The following NALCN variants were observed in gnomAD, a reference collection of about 807,000 sequenced individuals.
NALCN encodes the protein sodium leak channel NALCN.
Under a neutral mutation model 225.3 loss-of-function variants are expected in NALCN, and 111 were observed. The observed-to-expected ratio is 0.49, with a 90% CI of 0.42 to 0.58. The LOEUF is 0.58. Among genes scored for constraint, NALCN ranks in the 20% least tolerant of loss-of-function variants. The pLI, the probability that NALCN is intolerant of heterozygous loss-of-function variation, is 0.00. For missense variants in NALCN, 1,378 were observed against 2,202.4 expected (o/e 0.63, Z 7.49); for synonymous variants, 764 against 769.0 (o/e 0.99, Z 0.11).
rs773264859 is a variant in NALCN, at chr13:101,089,773, A to G, written c.3391-12T>C. On this transcript the variant is annotated splice_polypyrimidine_tract_variant and intron_variant, in intron 29 of 43. Coordinates refer to ENST00000251127, the MANE Select transcript of NALCN (RefSeq NM_052867.4). This position sits in a 1 kb window ranked among gnomAD's most constrained non-coding sequence, Gnocchi z 4.7. Reference sequence around the variant, plus strand: ...TAGATTCCATGGATCTGCATAAAGGAAAATATGGTTATTCATCAAAACAAA... The same window carrying G: ...TAGATTCCATGGATCTGCATAAAGGGAAATATGGTTATTCATCAAAACAAA... The G allele has an allele frequency of 6.9e-5, 111 of 1,613,882 alleles. No individual in the cohort carries two copies. The highest frequency in any genetic ancestry group is 9.0e-5 in the Non-Finnish European group (106 of 1,179,912).
chr13:101,353,556 T>G (rs2045965608), intron 6 of NALCN, among the ~76,000 whole-genome samples: 1 of 152,222 alleles, frequency 6.6e-6, no homozygotes, highest in African/African-American at 2.4e-5. Flanking sequence ...TGGAAAACTT[T>G]CAATGGCTCC....
chr13:101,255,003 C>CA (rs1039641894), intron 11 of NALCN, among the ~76,000 whole-genome samples: 72 of 151,918 alleles, frequency 4.7e-4, no homozygotes, highest in African/African-American at 1.7e-3. Context: ...CCATTACCAT[C>CA]AATGCCATTG....
At chr13:101,211,095 A>G (rs575660214) in intron 13 of NALCN, among the ~76,000 whole-genome samples, 1 of 152,314 alleles carries the variant, frequency 6.6e-6, no homozygotes, top group Non-Finnish European at 1.5e-5. Context: ...ATATTTAATA[A>G]CACGGTCATG....
chr13:101,217,129 T>C (rs189857639), intron 13 of NALCN, among the ~76,000 whole-genome samples: 305 of 147,976 alleles, frequency 2.1e-3, no homozygotes, highest in African/African-American at 7.4e-3. Context: ...TTAGAGGCAG[T>C]TGCTTTCTAT....
At chr13:101,222,552 C>T (rs1380584890) in intron 13 of NALCN, among the ~76,000 whole-genome samples, 1 of 152,082 alleles carries the variant, frequency 6.6e-6, no homozygotes, top group Non-Finnish European at 1.5e-5. Context: ...AAAAACCCTC[C>T]TCTCCAAGCA....
intron 13 of NALCN, among the ~76,000 whole-genome samples, chr13:101,193,136 G>A (rs1175279262): frequency 2.0e-5 from 3 of 148,962 alleles, no homozygotes; most frequent in Admixed American, 6.7e-5. Context: ...AGGAAAATGA[G>A]GCTCAAAGAT....
At chr13:101,390,585 A>G (rs2047116403) in intron 3 of NALCN, among the ~76,000 whole-genome samples, 1 of 152,154 alleles carries the variant, frequency 6.6e-6, no homozygotes, top group Non-Finnish European at 1.5e-5. Context: ...AAGATAACAT[A>G]CATTCTCATA....
intron 7 of NALCN, among the ~76,000 whole-genome samples, chr13:101,311,375 T>C (rs2044339186): frequency 6.6e-6 from 1 of 151,610 alleles, no homozygotes; most frequent in Non-Finnish European, 1.5e-5. Flanking sequence ...CTAATTGCCC[T>C]GGCCAGGACT....
intron 7 of NALCN, among the ~76,000 whole-genome samples, chr13:101,301,904 C>T (rs1328607997): frequency 6.6e-6 from 1 of 152,116 alleles, no homozygotes; most frequent in Non-Finnish European, 1.5e-5. Context: ...TACTGCTGAT[C>T]ACCACTAAGG....
rs199976015 is a variant in NALCN, at chr13:101,064,299, TG to T, written c.4604+1104del. Among the ~76,000 whole-genome samples, 1,008 of 152,244 alleles carry T rather than the reference TG, an allele frequency of 6.6e-3. 13 individuals are homozygous for T. Among genetic ancestry groups the T allele is most frequent in the East Asian group, 0.063 (328 of 5,178 alleles). ...TGATTAGTGAAAATAAAGATGTAAT[TG>T]TTTCCCCCTTGCAAGTCCATGGGCC... On this transcript the variant is annotated intron_variant, in intron 40 of 43. Coordinates refer to ENST00000251127, the MANE Select transcript of NALCN (RefSeq NM_052867.4).
intron 15 of NALCN, among the ~76,000 whole-genome samples, chr13:101,163,468 T>A (rs1029256389): frequency 7.9e-5 from 12 of 152,106 alleles, no homozygotes; most frequent in Admixed American, 6.5e-4. Context: ...TAATCACACA[T>A]GACATGAAAT....
At chr13:101,103,091 A>T in intron 26 of NALCN, 81 bp downstream of exon 26, 3 of 1,511,408 alleles carry the variant, frequency 2.0e-6, no homozygotes, top group Middle Eastern at 1.8e-4. Flanking sequence ...TGACCTCAAT[A>T]AGCAAGACTC....
In NALCN at chr13:101,133,674, T is replaced by C. The variant is rs528119859; in HGVS notation, c.2119-8993A>G. ...GATCATGTGTGTGGCAAGATGTTTC[T>C]ATAAAATAAACTTTCTCTGGAATTG... On this transcript the variant is annotated intron_variant, in intron 17 of 43. Coordinates refer to ENST00000251127, the MANE Select transcript of NALCN (RefSeq NM_052867.4). 1.6e-3 allele frequency among the ~76,000 whole-genome samples: 238 copies of C among 152,338 alleles called. 3 individuals carry two copies. The highest frequency in any genetic ancestry group is 5.3e-3 in the African/African-American group (222 of 41,576).
rs569731547 is a variant in NALCN, at chr13:101,080,787, A to G, written c.3885+740T>C. On this transcript the variant is annotated intron_variant, in intron 34 of 43. Coordinates refer to ENST00000251127, the MANE Select transcript of NALCN (RefSeq NM_052867.4). ...ATTATTATTTATTTAATAATTATTA[A>G]CAATTTAATAGTTATATTTTCTAAA... Among the ~76,000 whole-genome samples, 392 of 149,594 alleles carry G rather than the reference A, an allele frequency of 2.6e-3. 8 individuals are homozygous for G. In the South Asian group the frequency reaches 0.036, roughly 14 times the overall value.
intron 40 of NALCN, among the ~76,000 whole-genome samples, chr13:101,063,844 T>C (rs2032155455): frequency 1.3e-5 from 2 of 152,172 alleles, no homozygotes; most frequent in African/African-American, 2.4e-5. Flanking sequence ...GTGATTAAAA[T>C]AGCTACTGCT....
At chr13:101,164,073 T>A (rs893951656) in intron 15 of NALCN, among the ~76,000 whole-genome samples, 1 of 152,162 alleles carries the variant, frequency 6.6e-6, no homozygotes, top group Non-Finnish European at 1.5e-5. Flanking sequence ...AATGACCTCA[T>A]CTTAACCTGA....
At chr13:101,269,209 C>T (rs2042693177) in intron 10 of NALCN, among the ~76,000 whole-genome samples, 1 of 53,524 alleles carries the variant, frequency 1.9e-5, no homozygotes, top group Non-Finnish European at 3.5e-5. Flanking sequence ...GTAGAAAAAG[C>T]TCATATATAT....
intron 15 of NALCN, among the ~76,000 whole-genome samples, chr13:101,163,282 A>G (rs920498438): frequency 2.6e-5 from 4 of 152,138 alleles, no homozygotes; most frequent in African/African-American, 7.2e-5. Flanking sequence ...CTGAATTAGC[A>G]CAATTAAAGA....
At chr13:101,338,029 T>C (rs2045438294) in intron 7 of NALCN, among the ~76,000 whole-genome samples, 2 of 152,188 alleles carry the variant, frequency 1.3e-5, no homozygotes, top group Non-Finnish European at 2.9e-5. Context: ...AGGCACATAA[T>C]ATGCAATCGA....
Sources: gnomAD v4.1 joint callset for allele counts (sites outside exome capture counted in the v4.1 genomes callset) on GRCh38, gnomAD v4.1.1 for gene constraint, Gnocchi (gnomAD v3.1) non-coding constraint, MANE v1.5 for transcripts, NCBI Gene and HGNC (gene_info 2026-07-23, HGNC 2026-07-21) for gene names.